ACOXL: variants seen among roughly 807,000 people sequenced by gnomAD.
ACOXL encodes acyl-coenzyme A oxidase-like protein.
A neutral mutation model predicts 71.9 loss-of-function variants in ACOXL; 70 were observed. The observed-to-expected ratio is 0.97, with a 90% confidence interval of 0.80 to 1.19. The LOEUF (loss-of-function observed/expected upper bound fraction) is 1.19, where lower values mean the gene tolerates loss of function less well. ACOXL is among the 50% of genes most tolerant of loss of function. The pLI is 0.00. For missense variants in ACOXL, 703 were observed against 736.3 expected (o/e 0.95, Z 0.52); for synonymous variants, 253 against 281.6 (o/e 0.90, Z 1.02).
chr2:110,835,729 C>T (rs982205848), intron 9 of ACOXL, among the ~76,000 whole-genome samples: 5 of 152,216 alleles, frequency 3.3e-5, no homozygotes, highest in Admixed American at 3.3e-4. Flanking sequence ...GTCAGTACCA[C>T]GCAGGTTGCT....
intron 12 of ACOXL, among the ~76,000 whole-genome samples, chr2:110,970,946 A>G (rs1359002814): frequency 6.6e-6 from 1 of 152,262 alleles, no homozygotes; most frequent in Non-Finnish European, 1.5e-5. Flanking sequence ...AGCACATTTC[A>G]TAAAAGGAAA....
chr2:110,770,871 C>G (rs1039322234), intron 2 of ACOXL, among the ~76,000 whole-genome samples: 4 of 152,210 alleles, frequency 2.6e-5, no homozygotes, highest in Non-Finnish European at 5.9e-5. Flanking sequence ...GAGCTGATCC[C>G]TTAATGAGGC....
intron 1 of ACOXL, among the ~76,000 whole-genome samples, chr2:110,743,914 T>G (rs1356712667): frequency 6.6e-6 from 1 of 152,248 alleles, no homozygotes; most frequent in Non-Finnish European, 1.5e-5. Flanking sequence ...TTCTGTTCTA[T>G]CCTGTGATTT....
intron 15 of ACOXL, among the ~76,000 whole-genome samples, chr2:111,037,885 G>A (rs918973245): frequency 1.3e-5 from 2 of 152,208 alleles, no homozygotes; most frequent in East Asian, 1.9e-4. Context: ...GTGTTCTTGA[G>A]TTTTTGAAAG....
At chr2:110,833,284 A>G (rs1324190375) in intron 9 of ACOXL, among the ~76,000 whole-genome samples, 3 of 152,216 alleles carry the variant, frequency 2.0e-5, no homozygotes, top group Non-Finnish European at 2.9e-5. Flanking sequence ...ACCTCGATGA[A>G]TCTCTAGACA....
At chr2:110,822,612 T>C (rs1461177469) in intron 9 of ACOXL, among the ~76,000 whole-genome samples, 1 of 152,230 alleles carries the variant, frequency 6.6e-6, no homozygotes, top group Non-Finnish European at 1.5e-5. Flanking sequence ...CATACAGTTA[T>C]GTTCTTTTAT....
At chr2:110,979,160 A>T (rs1322318079) in intron 12 of ACOXL, among the ~76,000 whole-genome samples, 1 of 152,180 alleles carries the variant, frequency 6.6e-6, no homozygotes, top group South Asian at 2.1e-4. Context: ...GTTCAGACCC[A>T]GTCACTACTG....
intron 12 of ACOXL, among the ~76,000 whole-genome samples, chr2:110,985,794 G>T (rs1417500653): frequency 6.6e-6 from 1 of 152,136 alleles, no homozygotes; most frequent in Non-Finnish European, 1.5e-5. Flanking sequence ...ATTTTACCAC[G>T]TGGCATTTGA....
At chr2:110,926,596 G>A (rs188801437) in intron 11 of ACOXL, among the ~76,000 whole-genome samples, 9 of 152,302 alleles carry the variant, frequency 5.9e-5, no homozygotes, top group African/African-American at 1.9e-4. Flanking sequence ...GTTATTAGAA[G>A]AATTGAGTGA....
chr2:110,801,509 C>G, intron 7 of ACOXL, 143 bp from the exon 8 acceptor site: 1 of 672,908 alleles, frequency 1.5e-6, no homozygotes, highest in Non-Finnish European at 2.6e-6. Context: ...CAGACAACAT[C>G]CCCATGTCCA....
At chr2:110,741,089 T>G (rs943192308) in intron 1 of ACOXL, among the ~76,000 whole-genome samples, 1 of 152,130 alleles carries the variant, frequency 6.6e-6, no homozygotes, top group Admixed American at 6.5e-5. Context: ...ATTCCTGGGA[T>G]GTGGAGTGGC....
chr2:110,847,070 G>A (rs762598479), intron 10 of ACOXL, among the ~76,000 whole-genome samples: 17 of 151,974 alleles, frequency 1.1e-4, no homozygotes, highest in Non-Finnish European at 2.1e-4. Flanking sequence ...GTTTTTGGGT[G>A]GAATCCACAC....
intron 15 of ACOXL, among the ~76,000 whole-genome samples, chr2:111,046,826 G>A (rs1381366827): frequency 6.6e-6 from 1 of 152,162 alleles, no homozygotes; most frequent in Non-Finnish European, 1.5e-5. Flanking sequence ...ATGGAACCCT[G>A]CATGAATGAG....
At chr2:110,856,771 T>C (rs1252128935) in intron 10 of ACOXL, among the ~76,000 whole-genome samples, 1 of 152,158 alleles carries the variant, frequency 6.6e-6, no homozygotes, top group Non-Finnish European at 1.5e-5. Context: ...GTTTTAAACA[T>C]TTAGTGGAGT....
intron 13 of ACOXL, among the ~76,000 whole-genome samples, chr2:110,990,736 T>C (rs1049648253): frequency 1.3e-5 from 2 of 152,224 alleles, no homozygotes; most frequent in African/African-American, 2.4e-5. Context: ...TCAAATGATA[T>C]TTTTCTGCAT....
chr2:110,889,577 A>C (rs2149136752), intron 10 of ACOXL, among the ~76,000 whole-genome samples: 1 of 152,310 alleles, frequency 6.6e-6, no homozygotes, highest in East Asian at 1.9e-4. Flanking sequence ...ATTTCATTTT[A>C]ATAAAATCAT....
At chr2:111,035,035 T>C (rs1312934624) in intron 15 of ACOXL, among the ~76,000 whole-genome samples, 1 of 151,632 alleles carries the variant, frequency 6.6e-6, no homozygotes, top group Admixed American at 6.6e-5. Flanking sequence ...ACCCAGCTAA[T>C]TTTTTGTATT....
intron 1 of ACOXL, among the ~76,000 whole-genome samples, chr2:110,757,734 T>G (rs1679886053): frequency 6.6e-6 from 1 of 152,110 alleles, no homozygotes. Context: ...TGCCTACCTT[T>G]TAATGGGGTT....
At chr2:110,744,647 A>G (rs1208016082) in intron 1 of ACOXL, among the ~76,000 whole-genome samples, 1 of 152,176 alleles carries the variant, frequency 6.6e-6, no homozygotes, top group African/African-American at 2.4e-5. Context: ...CTATCTTGTA[A>G]ACCCTGGAGG....
Sources: gnomAD v4.1 joint callset for allele counts (sites outside exome capture counted in the v4.1 genomes callset) on GRCh38, gnomAD v4.1.1 for gene constraint, MANE v1.5 for transcripts, NCBI Gene and HGNC (gene_info 2026-07-23, HGNC 2026-07-21) for gene names.